Variants in MSL1 observed in about 807,000 individuals in gnomAD.
MSL1 encodes MSL complex subunit 1.
MSL1 carries 21 observed loss-of-function variants against 64.6 expected under a neutral mutation model. The observed-to-expected ratio is 0.33, with a 90% CI of 0.23 to 0.47. The LOEUF (loss-of-function observed/expected upper bound fraction) is 0.47, where lower values mean the gene tolerates loss of function less well. MSL1 is among the 20% of genes least tolerant of loss of function. The pLI is 1.00. For missense variants in MSL1, 664 were observed against 793.2 expected (o/e 0.84, Z 1.96); for synonymous variants, 339 against 329.6 (o/e 1.03, Z -0.31).
chr17:40,122,500 G>A lies in MSL1; in HGVS notation c.-113G>A. 1 of 768,028 alleles carries A rather than the reference G, an allele frequency of 1.3e-6. No homozygotes were observed. The highest frequency in any genetic ancestry group is 1.9e-6 in the Non-Finnish European group (1 of 537,824). The allele number at this position is 768,028 out of a possible 1,614,324, so 47.6% of individuals were successfully genotyped here. On this transcript the variant is annotated 5_prime_UTR_variant, in exon 1 of 9. Transcript: ENST00000398532. This position sits in a 1 kb window ranked among gnomAD's most constrained non-coding sequence, Gnocchi z 4.2. ...GCTAGCGGAGGCCTGCTGCCGCGCTGCTGAGGCGAGCCCGCCAAACTCCCC... is the reference window on the plus strand; with the variant it reads ...GCTAGCGGAGGCCTGCTGCCGCGCTACTGAGGCGAGCCCGCCAAACTCCCC...
Position 40,131,930 on chromosome 17 carries a change from T to A in MSL1, c.1424-104T>A, listed in dbSNP as rs1175082290. On this transcript the variant is annotated intron_variant, in intron 4 of 8. Coordinates refer to ENST00000398532, the MANE Select transcript of MSL1 (RefSeq NM_001365919.1). The surrounding 1 kb of genome is among the most constrained non-coding windows in gnomAD (Gnocchi z 4.5). Reference sequence around the variant, plus strand: ...ATTCCTATCACTTGGTAACTTTGTCTCTTCTGGGGAGAGACCTCTTATCCT... The same window carrying A: ...ATTCCTATCACTTGGTAACTTTGTCACTTCTGGGGAGAGACCTCTTATCCT... The A allele has an allele frequency of 1.2e-6, 1 of 804,152 alleles. No individual in the cohort carries two copies. Among genetic ancestry groups the A allele is most frequent in the East Asian group, 2.7e-5 (1 of 37,436 alleles). 49.8% of individuals were successfully genotyped at this position (804,152 alleles called of 1,614,324 possible). A position where few individuals can be genotyped will look rare whatever the true frequency, so the allele number is the denominator to read the frequency against.
chr17:40,123,125 A>G lies in MSL1; in HGVS notation c.513A>G (p.Gly171=). The G allele has an allele frequency of 1.3e-6, 2 of 1,530,966 alleles. No homozygotes were observed. Among genetic ancestry groups the G allele is most frequent in the Non-Finnish European group, 1.7e-6 (2 of 1,144,932 alleles). The allele number at this position is 1,530,966 out of a possible 1,614,324, so 94.8% of individuals were successfully genotyped here. Residue 171 remains glycine (G), a synonymous_variant, in exon 1 of 9, where the codon GGA becomes GGG. Coordinates refer to ENST00000398532, the MANE Select transcript of MSL1 (RefSeq NM_001365919.1). ...CTGCCACCGCCTCGGACCCGGCGGG[A>G]CCCCCACCACTACCTCTGCCCGGGC... ...SPAATASDPA[G]PPPLPLPGPP...
rs201719992 is a variant in MSL1 at position 40,133,039 on chromosome 17, C to T, written c.1489-3C>T. 2.5e-6 allele frequency: 4 copies of T among 1,609,296 alleles called. No homozygotes were observed. In the African/African-American group the frequency reaches 5.3e-5, roughly 21 times the overall value. On this transcript the variant is annotated splice_region_variant and splice_polypyrimidine_tract_variant and intron_variant, in intron 5 of 8. Transcript: ENST00000398532. ...AGCTTATCAGCTGCTTTTCTTTACA[C>T]AGAACCTGGATGACAGTGTGTTTTC... is the stretch of plus-strand genomic sequence containing the variant.
At position 40,129,506 on chromosome 17, in the gene MSL1, T is replaced by C. The variant is rs1161239218; in HGVS notation, c.1254T>C (p.Ser418=). The part of the protein sequence containing the change: ...STHPKEKAFS[S]EIEDLPYLST... ...ATCCCAAGGAGAAAGCCTTCTCAAGTGAGATAGAAGATTTGCCGTACCTTT... is the reference window on the plus strand; with the variant it reads ...ATCCCAAGGAGAAAGCCTTCTCAAGCGAGATAGAAGATTTGCCGTACCTTT... Residue 418 remains serine (S), a synonymous_variant, in exon 3 of 9, where the codon AGT becomes AGC. Transcript: ENST00000398532. 1.2e-6 allele frequency: 2 copies of C among 1,613,378 alleles called. No homozygotes were observed. Among genetic ancestry groups the C allele is most frequent in the South Asian group, 1.1e-5 (1 of 91,042 alleles).
rs1405408956 is a variant in MSL1 at position 40,131,262 on chromosome 17, G to C, written c.1376-275G>C. On this transcript the variant is annotated intron_variant, in intron 3 of 8. Transcript: ENST00000398532. This position sits in a 1 kb window ranked among gnomAD's most constrained non-coding sequence, Gnocchi z 4.5. The stretch of plus-strand genomic sequence containing the variant: ...CTGCCATGTTCTGAGTTTAAGGTTT[G>C]ATATCCTTGGCCATCAACTGTTGCA... 3.0e-6 allele frequency: 1 copy of C among 333,928 alleles called. No individual in the cohort carries two copies. Among genetic ancestry groups the C allele is most frequent in the African/African-American group, 2.1e-5 (1 of 47,128 alleles). The allele number at this position is 333,928 out of a possible 1,614,324, so 20.7% of individuals were successfully genotyped here.
At chr17:40,126,537 G>GA in intron 2 of MSL1, 131 bp downstream of exon 2, 1 of 826,372 alleles carries the variant, frequency 1.2e-6, no homozygotes, top group East Asian at 2.7e-5. Context: ...GGCCGGGTGT[G>GA]GTGGCTCACA....
At chr17:40,127,454 G>A (rs1409314538) in intron 2 of MSL1, among the ~76,000 whole-genome samples, 2 of 152,010 alleles carry the variant, frequency 1.3e-5, no homozygotes, top group South Asian at 2.1e-4. Flanking sequence ...AGTAAAATAC[G>A]TAGATGTACA....
chr17:40,127,120 C>T (rs79833595), intron 2 of MSL1, among the ~76,000 whole-genome samples: 7,187 of 151,898 alleles, frequency 0.047, 233 homozygotes, highest in Non-Finnish European at 0.071. Context: ...GAGTATGGAA[C>T]GTATGGAAAG....
Position 40,131,788 on chromosome 17 carries a change from T to C in MSL1, c.1423+204T>C. 1 of 632,786 alleles carries C rather than the reference T, an allele frequency of 1.6e-6. No individual in the cohort carries two copies. 39.2% of individuals were successfully genotyped at this position (632,786 alleles called of 1,614,324 possible). A position where few individuals can be genotyped will look rare whatever the true frequency, so the allele number is the denominator to read the frequency against. On this transcript the variant is annotated intron_variant, in intron 4 of 8. Coordinates refer to ENST00000398532, the MANE Select transcript of MSL1 (RefSeq NM_001365919.1). This position sits in a 1 kb window ranked among gnomAD's most constrained non-coding sequence, Gnocchi z 4.5. The stretch of plus-strand genomic sequence containing the variant: ...TGCTATAGCATCATTATATGAATTG[T>C]CAGGTATTGGTTTAGGGTTTTTGTG...
At chr17:40,128,390 T>C (rs1425477607) in intron 2 of MSL1, among the ~76,000 whole-genome samples, 49 of 144,318 alleles carry the variant, frequency 3.4e-4, no homozygotes, top group Non-Finnish European at 5.9e-4. Flanking sequence ...TTTTTTTTTT[T>C]CTGAGACAGA....
At chr17:40,126,732 C>T (rs534478602) in intron 2 of MSL1, 6 of 230,044 alleles carry the variant, frequency 2.6e-5, no homozygotes, top group East Asian at 2.1e-4. Flanking sequence ...CACTTGAACC[C>T]GGGAGGCGGA....
chr17:40,129,717 G>A, intron 3 of MSL1, 90 bp downstream of exon 3: 1 of 1,356,106 alleles, frequency 7.4e-7, no homozygotes, highest in Admixed American at 3.0e-5. Flanking sequence ...TTAAAAAAGT[G>A]CAATCAATAA....
Position 40,131,331 on chromosome 17 carries a change from TAAA to T in MSL1, c.1376-197_1376-195del. 2.4e-6 allele frequency: 1 copy of T among 415,996 alleles called. No homozygotes were observed. 25.8% of individuals were successfully genotyped at this position (415,996 alleles called of 1,614,324 possible). A position where few individuals can be genotyped will look rare whatever the true frequency, so the allele number is the denominator to read the frequency against. ...ATGAAGAAAAGAAGTCGTCTCAGTG[TAAA>T]AAAAAAAAGTGGTGGGCTTATTTTC... is the stretch of plus-strand genomic sequence containing the variant. On this transcript the variant is annotated intron_variant, in intron 3 of 8. Coordinates refer to ENST00000398532, the MANE Select transcript of MSL1 (RefSeq NM_001365919.1). This position sits in a 1 kb window ranked among gnomAD's most constrained non-coding sequence, Gnocchi z 4.5.
Position 40,129,613 on chromosome 17 carries a change from A to G in MSL1, c.1361A>G (p.Glu454Gly). ...TTACGGGAATCCTCTCCAAAGAAGG[A>G]GGAGACTGTAGCAAGTAAGGCATAG... ...LPLRESSPKK[E>G]ETVARCLMPS... The change falls in exon 3 of 9, where the codon GAG (glutamate) becomes GGG (glycine). Residue 454 changes from glutamate to glycine, a missense_variant. By Grantham distance (98) the Glu-to-Gly change is moderately conservative. Transcript: ENST00000398532. The G allele has an allele frequency of 6.2e-7, 1 of 1,604,438 alleles. No homozygotes were observed. The highest frequency in any genetic ancestry group is 8.5e-7 in the Non-Finnish European group (1 of 1,175,786).
chr17:40,134,472 C>G lies in MSL1; in HGVS notation c.*103C>G, dbSNP rs917923208. On this transcript the variant is annotated 3_prime_UTR_variant, in exon 9 of 9. Coordinates refer to ENST00000398532, the MANE Select transcript of MSL1 (RefSeq NM_001365919.1). ...CTTTGTCCTCACATATGTTATCACT[C>G]GCTGATAATACCCTTTCATACTTCC... 13 of 883,714 alleles carry G rather than the reference C, an allele frequency of 1.5e-5. No individual in the cohort carries two copies. Among genetic ancestry groups the G allele is most frequent in the Non-Finnish European group, 2.2e-5 (12 of 550,892 alleles). The allele number at this position is 883,714 out of a possible 1,614,324, so 54.7% of individuals were successfully genotyped here.
chr17:40,133,032 C>T lies in MSL1; in HGVS notation c.1489-10C>T, dbSNP rs759948782. On this transcript the variant is annotated splice_polypyrimidine_tract_variant and intron_variant, in intron 5 of 8. Coordinates refer to ENST00000398532, the MANE Select transcript of MSL1 (RefSeq NM_001365919.1). ...GATAAATAGCTTATCAGCTGCTTTT[C>T]TTTACACAGAACCTGGATGACAGTG... 3 of 1,607,634 alleles carry T rather than the reference C, an allele frequency of 1.9e-6. No homozygotes were observed. Among genetic ancestry groups the T allele is most frequent in the East Asian group, 4.5e-5 (2 of 44,802 alleles).
intron 1 of MSL1, among the ~76,000 whole-genome samples, chr17:40,125,776 C>T (rs925492232): frequency 1.3e-5 from 2 of 152,118 alleles, no homozygotes; most frequent in African/African-American, 2.4e-5. Flanking sequence ...AGCAAAACTC[C>T]GTCTCAAAAC....
At position 40,123,353 on chromosome 17, in the gene MSL1, C is replaced by T. The variant is rs1258201705; in HGVS notation, c.741C>T (p.Ile247=). 5 of 1,536,376 alleles carry T rather than the reference C, an allele frequency of 3.3e-6. No individual in the cohort carries two copies. The South Asian group carries it at 3.6e-5, about 11-fold the overall frequency. Residue 247 remains isoleucine, a synonymous_variant, in exon 1 of 9, where the codon ATC becomes ATT. Coordinates refer to ENST00000398532, the MANE Select transcript of MSL1 (RefSeq NM_001365919.1). ...AGCTGCAGGCCAAGGAAAAGGAGAT[C>T]GAGGAGCTGAAGTCAGAGAGAGACA... ...QQQLQAKEKE[I]EELKSERDTL... is the part of the protein sequence containing the mutation.
intron 7 of MSL1, 29 bp downstream of exon 7, chr17:40,133,687 T>C (rs747043159): frequency 6.2e-7 from 1 of 1,611,354 alleles, no homozygotes; most frequent in Non-Finnish European, 8.5e-7. Flanking sequence ...AAAGAGTAGG[T>C]TTTTGAAAGA....
Sources: gnomAD v4.1 joint callset for allele counts (sites outside exome capture counted in the v4.1 genomes callset) on GRCh38, gnomAD v4.1.1 for gene constraint, Gnocchi (gnomAD v3.1) non-coding constraint, MANE v1.5 for transcripts, NCBI Gene and HGNC (gene_info 2026-07-23, HGNC 2026-07-21) for gene names.